PLCE1: variants seen among roughly 807,000 people sequenced by gnomAD.
The protein encoded by PLCE1 is phospholipase C epsilon 1, also known as 1-phosphatidylinositol 4,5-bisphosphate phosphodiesterase epsilon-1.
Under a neutral mutation model 242.8 loss-of-function variants are expected in PLCE1, and 119 were observed. The observed-to-expected ratio is 0.49, with a 90% CI of 0.42 to 0.57. PLCE1 has a LOEUF of 0.57. Among genes scored for constraint, PLCE1 ranks in the 20% least tolerant of loss-of-function variants. The pLI is 0.00. For synonymous variants in PLCE1, 945 were observed against 1,017.4 expected, an observed-to-expected ratio of 0.93 and a Z score of 1.35; for missense variants, 2,441 against 2,788.8, an observed-to-expected ratio of 0.88 and a Z score of 2.81.
At chr10:94,141,580 T>A (rs199643342) in intron 3 of PLCE1, among the ~76,000 whole-genome samples, 118 of 4,532 alleles carry the variant, frequency 0.026, 17 homozygotes, top group African/African-American at 0.08. Context: ...TAAGGGAAGG[T>A]GAAGGGAAGG....
In PLCE1 at chr10:94,293,550, A is replaced by C; in HGVS notation, c.5078A>C (p.Glu1693Ala). Residue 1693 changes from glutamate to alanine, a missense_variant, in exon 23 of 33, where the codon GAA becomes GCA. Glu to Ala is a moderately radical substitution (Grantham distance 107). Around this residue, in one of 5 missense-constraint regions of PLCE1, gnomAD observed 1,004 missense variants for 1,322.7 expected, o/e 0.76. Transcript: ENST00000371380. Reference sequence around the variant, plus strand: ...GCATCTGGCTCTAGCAGAGGAAAAGAAAGGAAAAGCAGGAAGTCCATTTTT... The same window carrying C: ...GCATCTGGCTCTAGCAGAGGAAAAGCAAGGAAAAGCAGGAAGTCCATTTTT... ...LNASGSSRGKERKSRKSIFGN... is the reference protein window; with the variant it reads ...LNASGSSRGKARKSRKSIFGN... The C allele has an allele frequency of 6.2e-7, 1 of 1,613,964 alleles. No homozygotes were observed. Among genetic ancestry groups the C allele is most frequent in the Non-Finnish European group, 8.5e-7 (1 of 1,179,854 alleles).
chr10:94,025,959 A>T (rs1312205676), intron 1 of PLCE1, among the ~76,000 whole-genome samples: 2 of 152,226 alleles, frequency 1.3e-5, no homozygotes, highest in Non-Finnish European at 2.9e-5. Flanking sequence ...ACCACTTTTC[A>T]GCTCTACTAT....
chr10:94,186,076 A>C (rs1218034379), intron 4 of PLCE1, among the ~76,000 whole-genome samples: 1 of 152,226 alleles, frequency 6.6e-6, no homozygotes, highest in Non-Finnish European at 1.5e-5. Context: ...TCCACTTGTC[A>C]GTCCCCAGGA....
At chr10:94,049,441 A>G (rs2043700883) in intron 2 of PLCE1, among the ~76,000 whole-genome samples, 2 of 152,168 alleles carry the variant, frequency 1.3e-5, no homozygotes, top group Admixed American at 1.3e-4. Flanking sequence ...CCAAAATTCC[A>G]TACATGTGTG....
chr10:94,009,639 A>G (rs1282665900), intron 1 of PLCE1, among the ~76,000 whole-genome samples: 1 of 152,200 alleles, frequency 6.6e-6, no homozygotes, highest in Non-Finnish European at 1.5e-5. Flanking sequence ...CCAAGACACA[A>G]TGGTGGTACA....
At chr10:94,043,760 T>C (rs1465100255) in intron 2 of PLCE1, among the ~76,000 whole-genome samples, 2 of 152,218 alleles carry the variant, frequency 1.3e-5, no homozygotes, top group East Asian at 3.8e-4. Context: ...AACCAGCCAG[T>C]TCTCCTTTTG....
chr10:94,235,372 C>T (rs988315897), intron 6 of PLCE1, among the ~76,000 whole-genome samples: 1 of 152,198 alleles, frequency 6.6e-6, no homozygotes, highest in Non-Finnish European at 1.5e-5. Flanking sequence ...TTATCCCAGA[C>T]ACAGCTCTCA....
At chr10:94,322,812 C>T (rs1450014773) in intron 30 of PLCE1, among the ~76,000 whole-genome samples, 1 of 151,348 alleles carries the variant, frequency 6.6e-6, no homozygotes, top group Admixed American at 6.6e-5. Context: ...AAAAATTAGC[C>T]AGGCATGGTA....
rs1392115323 is a variant in PLCE1, at chr10:94,162,996, T to C, written c.1493-8184T>C. Among the ~76,000 whole-genome samples, 8 of 152,204 alleles carry C rather than the reference T, an allele frequency of 5.3e-5. No homozygotes were observed. The East Asian group carries it at 7.7e-4, about 15-fold the overall frequency. ...TGAGTTTCTTAATCCTGAGTTCTAG[T>C]TTGATTGCACCGTGGTCTGAGAGAC... On this transcript the variant is annotated intron_variant, in intron 3 of 32. Transcript: ENST00000371380.
chr10:94,050,825 C>G (rs1041484832), intron 2 of PLCE1, among the ~76,000 whole-genome samples: 1 of 152,158 alleles, frequency 6.6e-6, no homozygotes, highest in Non-Finnish European at 1.5e-5. Context: ...GAAGAAACAG[C>G]TTCCAAGAGT....
At chr10:94,153,909 T>C (rs949090543) in intron 3 of PLCE1, among the ~76,000 whole-genome samples, 1 of 152,234 alleles carries the variant, frequency 6.6e-6, no homozygotes, top group African/African-American at 2.4e-5. Context: ...CCTGTATTCA[T>C]GAAATGGAAG....
Position 94,252,290 on chromosome 10 carries a change from G to A in PLCE1, c.3097-26G>A, listed in dbSNP as rs1201132577. On this transcript the variant is annotated intron_variant, in intron 8 of 32. Coordinates refer to ENST00000371380, the MANE Select transcript of PLCE1 (RefSeq NM_016341.4). ...TCCCCATTGCTTGATGCTTCCTATT[G>A]TGTTCACCATGTGGCTCTTTCACAG... The A allele has an allele frequency of 7.5e-6, 12 of 1,608,272 alleles. No homozygotes were observed. In the South Asian group the frequency reaches 8.8e-5, roughly 12 times the overall value.
Position 94,032,034 on chromosome 10 carries a change from T to C in PLCE1, c.988T>C (p.Cys330Arg), listed in dbSNP as rs1212988900. 6.2e-7 allele frequency: 1 copy of C among 1,613,450 alleles called. No individual in the cohort carries two copies. Among genetic ancestry groups the C allele is most frequent in the African/African-American group, 1.3e-5 (1 of 74,850 alleles). ...ERSTLLVRRFCKNDREVKKSV... is the reference protein window; with the variant it reads ...ERSTLLVRRFRKNDREVKKSV... ...ATCCACTTTGTTAGTCAGGAGATTC[T>C]GTAAAAATGACAGAGAAGTTAAGAA... is the stretch of plus-strand genomic sequence containing the variant. The change falls in exon 2 of 33, where the codon TGT becomes CGT. Residue 330 changes from cysteine (C) to arginine (R), a missense_variant. Physicochemically the swap from Cys to Arg is radical, Grantham distance 180 (BLOSUM62 -3). Coordinates refer to ENST00000371380, the MANE Select transcript of PLCE1 (RefSeq NM_016341.4).
At chr10:94,164,347 A>AG (rs2047720313) in intron 3 of PLCE1, among the ~76,000 whole-genome samples, 2 of 151,942 alleles carry the variant, frequency 1.3e-5, no homozygotes, top group Non-Finnish European at 2.9e-5. Context: ...GGCTTTGTTC[A>AG]TTTCTTTTTA....
At chr10:94,282,079 T>C (rs1564858290) in intron 20 of PLCE1, among the ~76,000 whole-genome samples, 1 of 149,472 alleles carries the variant, frequency 6.7e-6, no homozygotes, top group Non-Finnish European at 1.5e-5. Context: ...CTCAAAATTC[T>C]GCACAACTGC....
intron 29 of PLCE1, among the ~76,000 whole-genome samples, chr10:94,317,485 G>C (rs1317359107): frequency 6.6e-6 from 1 of 152,132 alleles, no homozygotes; most frequent in Non-Finnish European, 1.5e-5. Flanking sequence ...CTGACTTCCA[G>C]TTTTAGCTAA....
chr10:94,328,631 T>C lies in PLCE1; in HGVS notation c.*688T>C, dbSNP rs1316177294. ...AGCCATACATTTTATGGCCGAGAAT[T>C]AGAAGCTTAGAATTAGAAGCTTTGG... On this transcript the variant is annotated 3_prime_UTR_variant, in exon 33 of 33. Transcript: ENST00000371380. 2 of 152,214 alleles carry C rather than the reference T, an allele frequency of 1.3e-5. No homozygotes were observed. Among genetic ancestry groups the C allele is most frequent in the East Asian group, 1.9e-4 (1 of 5,190 alleles). 9.4% of individuals were successfully genotyped at this position (152,214 alleles called of 1,614,324 possible).
At chr10:94,223,707 G>T (rs2049841752) in intron 4 of PLCE1, among the ~76,000 whole-genome samples, 1 of 152,108 alleles carries the variant, frequency 6.6e-6, no homozygotes, top group Non-Finnish European at 1.5e-5. Context: ...AAAGAATTGG[G>T]CTGGGGGCCA....
At chr10:94,216,561 G>A (rs184332935) in intron 4 of PLCE1, among the ~76,000 whole-genome samples, 1 of 152,232 alleles carries the variant, frequency 6.6e-6, no homozygotes, top group Admixed American at 6.5e-5. Flanking sequence ...TTACTAGGGG[G>A]TATACCCTGA....
Sources: allele counts gnomAD v4.1 joint callset (sites outside exome capture counted in the v4.1 genomes callset), GRCh38; gene constraint gnomAD v4.1.1; regional missense constraint gnomAD v4.1.1; transcripts MANE v1.5; gene names NCBI Gene and HGNC (gene_info 2026-07-23, HGNC 2026-07-21).